Variants in CACNA1E observed in about 807,000 individuals in gnomAD.
CACNA1E encodes the protein calcium voltage-gated channel subunit alpha1 E, also known as voltage-dependent R-type calcium channel subunit alpha-1E.
A neutral mutation model predicts 259.2 loss-of-function variants in CACNA1E; 40 were observed. The observed-to-expected ratio is 0.15, with a 90% confidence interval of 0.12 to 0.20. CACNA1E has a LOEUF of 0.20. Ranked by LOEUF, CACNA1E falls within the 10% of genes least tolerant of loss-of-function variation. The pLI is 1.00. For synonymous variants in CACNA1E, 1,104 were observed against 1,138.5 expected, an observed-to-expected ratio of 0.97 and a Z score of 0.61; for missense variants, 1,874 against 3,040.1, an observed-to-expected ratio of 0.62 and a Z score of 9.02.
chr1:181,529,578 C>T (rs962278457), intron 3 of CACNA1E, among the ~76,000 whole-genome samples: 2 of 152,252 alleles, frequency 1.3e-5, no homozygotes, highest in Non-Finnish European at 2.9e-5. Context: ...GAAGGCTGTA[C>T]TTCACAAAGC....
intron 3 of CACNA1E, among the ~76,000 whole-genome samples, chr1:181,535,907 A>G (rs917498531): frequency 1.3e-5 from 2 of 151,892 alleles, no homozygotes; most frequent in Non-Finnish European, 2.9e-5. Flanking sequence ...GGCTGGTCTT[A>G]AACTCCTGAC....
At chr1:181,474,152 T>C (rs1662692591) in intron 2 of CACNA1E, among the ~76,000 whole-genome samples, 1 of 152,142 alleles carries the variant, frequency 6.6e-6, no homozygotes, top group Admixed American at 6.5e-5. Flanking sequence ...CAAAGGAAAG[T>C]AGCATAACTG....
Position 181,732,923 on chromosome 1 carries a change from G to A in CACNA1E, c.2837G>A (p.Arg946His), listed in dbSNP as rs767352253. ...CGGAGCAGGTCTGCCAGCCAGGAAC[G>A]CAGTCTGGATGAAGCCATGCCCACT... The part of the protein sequence containing the change: ...ASRSRSASQE[R>H]SLDEAMPTEG... Residue 946 changes from arginine (R) to histidine (H), a missense_variant, in exon 20 of 48, where the codon CGC becomes CAC. This residue lies in a region of CACNA1E where 476 missense variants were observed against 514.0 expected (regional missense o/e 0.93). Transcript: ENST00000367573. This position sits in a 1 kb window ranked among gnomAD's most constrained non-coding sequence, Gnocchi z 5.5. 6 of 1,614,032 alleles carry A rather than the reference G, an allele frequency of 3.7e-6. No homozygotes were observed. Among genetic ancestry groups the A allele is most frequent in the South Asian group, 2.2e-5 (2 of 91,090 alleles).
At chr1:181,576,890 C>T (rs536154645) in intron 3 of CACNA1E, among the ~76,000 whole-genome samples, 1 of 152,272 alleles carries the variant, frequency 6.6e-6, no homozygotes, top group South Asian at 2.1e-4. Context: ...ACGATACCCC[C>T]TTATTTTAGA....
At chr1:181,753,152 C>T (rs1397982529) in intron 27 of CACNA1E, among the ~76,000 whole-genome samples, 3 of 152,214 alleles carry the variant, frequency 2.0e-5, no homozygotes, top group East Asian at 3.9e-4. Flanking sequence ...TCAGGGGCTA[C>T]ACCAGAATAC....
At chr1:181,612,802 G>T (rs1160821223) in intron 6 of CACNA1E, among the ~76,000 whole-genome samples, 2 of 152,184 alleles carry the variant, frequency 1.3e-5, no homozygotes, top group African/African-American at 4.8e-5. Flanking sequence ...ATAACTGTCA[G>T]GTTGACTGAA....
At chr1:181,477,996 A>G (rs1471568900) in intron 2 of CACNA1E, among the ~76,000 whole-genome samples, 2 of 152,236 alleles carry the variant, frequency 1.3e-5, no homozygotes, top group Non-Finnish European at 2.9e-5. Context: ...CTCTTAAGCA[A>G]GGAAAATATT....
At chr1:181,532,766 C>T (rs551597712) in intron 3 of CACNA1E, among the ~76,000 whole-genome samples, 2 of 152,356 alleles carry the variant, frequency 1.3e-5, no homozygotes, top group South Asian at 4.1e-4. Context: ...TACAGTACTT[C>T]AAACCTTCCC....
intron 2 of CACNA1E, among the ~76,000 whole-genome samples, chr1:181,440,843 G>A (rs1016364199): frequency 6.6e-6 from 1 of 151,826 alleles, no homozygotes; most frequent in African/African-American, 2.4e-5. Flanking sequence ...AAATTAGCTG[G>A]GTGTGGTGGC....
chr1:181,619,009 A>G (rs953921221), intron 6 of CACNA1E, among the ~76,000 whole-genome samples: 5 of 152,212 alleles, frequency 3.3e-5, no homozygotes, highest in African/African-American at 9.7e-5. Flanking sequence ...TCATATAACA[A>G]ATTTTTGTTG....
chr1:181,322,418 A>G (rs1650430532), intron 1 of CACNA1E, among the ~76,000 whole-genome samples: 1 of 152,240 alleles, frequency 6.6e-6, no homozygotes, highest in African/African-American at 2.4e-5. Flanking sequence ...GTTACAAACT[A>G]TAAAGCCATT....
chr1:181,705,413 A>C (rs964712036), intron 7 of CACNA1E, among the ~76,000 whole-genome samples: 1 of 152,252 alleles, frequency 6.6e-6, no homozygotes, highest in African/African-American at 2.4e-5. Flanking sequence ...CACAAATACA[A>C]ATGTAGTAAC....
intron 7 of CACNA1E, among the ~76,000 whole-genome samples, chr1:181,704,741 G>T (rs1652624790): frequency 6.6e-6 from 1 of 152,130 alleles, no homozygotes; most frequent in African/African-American, 2.4e-5. Context: ...TCTTCCTTTT[G>T]GTTGTCATGA....
intron 2 of CACNA1E, among the ~76,000 whole-genome samples, chr1:181,436,820 C>T (rs569509097): frequency 1.3e-5 from 2 of 152,128 alleles, no homozygotes; most frequent in South Asian, 4.1e-4. Flanking sequence ...TTAATAATAG[C>T]AGATTGCGTA....
chr1:181,638,212 A>T (rs1365384400), intron 6 of CACNA1E, among the ~76,000 whole-genome samples: 2 of 152,182 alleles, frequency 1.3e-5, no homozygotes, highest in African/African-American at 4.8e-5. Context: ...TAGCCAGGGA[A>T]TTTGCTGTGA....
intron 3 of CACNA1E, among the ~76,000 whole-genome samples, chr1:181,526,871 T>A (rs1407981984): frequency 1.3e-5 from 2 of 152,230 alleles, no homozygotes; most frequent in Non-Finnish European, 2.9e-5. Flanking sequence ...TTTGAAACAG[T>A]GCTCTGCACA....
chr1:181,755,215 G>A lies in CACNA1E; in HGVS notation c.3829-22G>A, dbSNP rs773795601. On this transcript the variant is annotated intron_variant, in intron 27 of 47. Transcript: ENST00000367573. ...AGACCATCACAGGGTTCACACAGCA[G>A]GGCTGTTTGCTCTGTCCACAGGCCG... 2.5e-6 allele frequency: 4 copies of A among 1,606,990 alleles called. No individual in the cohort carries two copies. The African/African-American group carries it at 5.3e-5, about 21-fold the overall frequency.
intron 35 of CACNA1E, among the ~76,000 whole-genome samples, chr1:181,766,883 G>C (rs1207630430): frequency 1.3e-5 from 2 of 152,204 alleles, no homozygotes; most frequent in Non-Finnish European, 2.9e-5. Context: ...CTGGGCTTCT[G>C]TGGTGACAGC....
chr1:181,689,559 T>C (rs1650929294), intron 7 of CACNA1E, among the ~76,000 whole-genome samples: 1 of 152,220 alleles, frequency 6.6e-6, no homozygotes. Flanking sequence ...TGCCACACTG[T>C]CTTCCACAAG....
Sources: gnomAD v4.1 joint callset for allele counts (sites outside exome capture counted in the v4.1 genomes callset) on GRCh38, gnomAD v4.1.1 for gene constraint, gnomAD v4.1.1 regional missense constraint, Gnocchi (gnomAD v3.1) non-coding constraint, MANE v1.5 for transcripts, NCBI Gene and HGNC (gene_info 2026-07-23, HGNC 2026-07-21) for gene names.